PROSER2: variants seen among roughly 807,000 people sequenced by gnomAD.
The protein encoded by PROSER2 is proline and serine rich 2, also known as proline and serine-rich protein 2.
PROSER2 carries 18 observed loss-of-function variants against 14.6 expected under a neutral mutation model. That is an observed-to-expected ratio of 1.23 (90% CI 0.85 to 1.83). The LOEUF (loss-of-function observed/expected upper bound fraction) is 1.83. Ranked by LOEUF, PROSER2 falls within the 40% of genes most tolerant of loss-of-function variation. The pLI is 0.00. For synonymous variants in PROSER2, 367 were observed against 286.4 expected, an observed-to-expected ratio of 1.28 and a Z score of -2.84; for missense variants, 823 against 629.8, an observed-to-expected ratio of 1.31 and a Z score of -3.28.
rs1834260850 is a variant in PROSER2 at position 11,862,316 on chromosome 10, TAAA to T, written c.139-4211_139-4209del. ...ACTGATACTAAAATTTATGTGGAAA[TAAA>T]AAAGGACTAAGAAAGCTAAACAGAC... On this transcript the variant is annotated intron_variant, in intron 2 of 3. Transcript: ENST00000277570. The surrounding 1 kb of genome is among the most constrained non-coding windows in gnomAD (Gnocchi z 4.2). Among the ~76,000 whole-genome samples, 1 of 152,012 alleles carries T rather than the reference TAAA, an allele frequency of 6.6e-6. No individual in the cohort carries two copies. The highest frequency in any genetic ancestry group is 1.5e-5 in the Non-Finnish European group (1 of 68,006).
chr10:11,834,501 G>A (rs986609027), intron 1 of PROSER2, among the ~76,000 whole-genome samples: 4 of 152,082 alleles, frequency 2.6e-5, no homozygotes, highest in Middle Eastern at 3.4e-3. Context: ...TTGGGAGGCC[G>A]AGGCTGGTGG....
At chr10:11,831,868 C>G (rs1833693042) in intron 1 of PROSER2, 1 of 152,130 alleles carries the variant, frequency 6.6e-6, no homozygotes, top group African/African-American at 2.4e-5. Flanking sequence ...TGGGCGAAAT[C>G]AATTACTTCC....
intron 2 of PROSER2, among the ~76,000 whole-genome samples, chr10:11,863,587 G>A (rs1411001951): frequency 6.6e-6 from 1 of 151,514 alleles, no homozygotes; most frequent in Non-Finnish European, 1.5e-5. Context: ...CACACTCATA[G>A]CATTATAGAG....
chr10:11,831,526 A>G (rs924077998), intron 1 of PROSER2, among the ~76,000 whole-genome samples: 18 of 152,180 alleles, frequency 1.2e-4, no homozygotes, highest in African/African-American at 4.1e-4. Flanking sequence ...TCTCTTCACA[A>G]ACATTTCTTT....
intron 1 of PROSER2, among the ~76,000 whole-genome samples, chr10:11,827,031 C>T (rs1179260672): frequency 6.6e-6 from 1 of 151,940 alleles, no homozygotes; most frequent in African/African-American, 2.4e-5. Flanking sequence ...ACCACAGGCA[C>T]GTGCCACCAC....
At chr10:11,849,900 T>C (rs183152966) in intron 1 of PROSER2, 40 of 152,394 alleles carry the variant, frequency 2.6e-4, no homozygotes, top group African/African-American at 9.4e-4. Context: ...GTGGGTTCAC[T>C]ATAAAAGCGA....
rs1316241831 is a variant in PROSER2 at position 11,842,860 on chromosome 10, TGTATTTTTCAGCCTGTCTTGGTTTCA to T, written c.-81-9135_-81-9110del. Reference sequence around the variant, plus strand: ...ATGTACATATGTGTGCGTGAATGTGTGTATTTTTCAGCCTGTCTTGGTTTCAGATGAAACAGAACTCCTCATTTTCT... The same window carrying T: ...ATGTACATATGTGTGCGTGAATGTGTGATGAAACAGAACTCCTCATTTTCT... On this transcript the variant is annotated intron_variant, in intron 1 of 3. Coordinates refer to ENST00000277570, the MANE Select transcript of PROSER2 (RefSeq NM_153256.4). 1.5e-4 allele frequency among the ~76,000 whole-genome samples: 22 copies of T among 151,618 alleles called. 1 individual carries two copies. Among genetic ancestry groups the T allele is most frequent in the Non-Finnish European group, 3.2e-4 (22 of 67,922 alleles).
At chr10:11,831,972 A>G (rs1467435370) in intron 1 of PROSER2, 1 of 152,176 alleles carries the variant, frequency 6.6e-6, no homozygotes, top group African/African-American at 2.4e-5. Flanking sequence ...TCGTTTTTGT[A>G]TATTGTTCAG....
rs200913870 is a variant in PROSER2, at chr10:11,847,154, AATAT to A, written c.-81-4816_-81-4813del. 1.6e-4 allele frequency among the ~76,000 whole-genome samples: 14 copies of A among 88,248 alleles called. No individual in the cohort carries two copies. In the East Asian group the frequency reaches 2.2e-3, roughly 14 times the overall value. 57.9% of individuals were successfully genotyped at this position (88,248 alleles called of 152,430 possible). On this transcript the variant is annotated intron_variant, in intron 1 of 3. Coordinates refer to ENST00000277570, the MANE Select transcript of PROSER2 (RefSeq NM_153256.4). ...AAGAAAAAAAAGAAAAACATAAATA[AATAT>A]ATATATATATATATATATATATATA...
At position 11,858,047 on chromosome 10, in the gene PROSER2, G is replaced by A. The variant is rs565976892; in HGVS notation, c.138+5832G>A. Among the ~76,000 whole-genome samples, 4 of 152,238 alleles carry A rather than the reference G, an allele frequency of 2.6e-5. No individual in the cohort carries two copies. In the South Asian group the frequency reaches 8.3e-4, roughly 32 times the overall value. On this transcript the variant is annotated intron_variant, in intron 2 of 3. Transcript: ENST00000277570. ...CCTCCTGGGTTCCAGCAATTCTCCT[G>A]CTTTAGCCTCCCAAGTAGCTGGGAT...
intron 2 of PROSER2, among the ~76,000 whole-genome samples, chr10:11,860,753 C>T (rs1004838571): frequency 5.9e-5 from 9 of 152,136 alleles, no homozygotes; most frequent in South Asian, 2.1e-4. Context: ...GAGCAAGGGT[C>T]GGTTGATGCT....
At chr10:11,835,842 C>T (rs1833753148) in intron 1 of PROSER2, among the ~76,000 whole-genome samples, 1 of 152,136 alleles carries the variant, frequency 6.6e-6, no homozygotes, top group Non-Finnish European at 1.5e-5. Context: ...TTTGTGTTTA[C>T]TGATCTTTAT....
rs1397066074 is a variant in PROSER2, at chr10:11,836,984, C to T, written c.-82+13514C>T. 1.3e-5 allele frequency among the ~76,000 whole-genome samples: 2 copies of T among 152,186 alleles called. No homozygotes were observed. Among genetic ancestry groups the T allele is most frequent in the South Asian group, 2.1e-4 (1 of 4,826 alleles). ...CGTCGTTCTGATCCATTGCCTCCTG[C>T]ATGCGAATCCTCCTTTGCCCGGAGT... On this transcript the variant is annotated intron_variant, in intron 1 of 3. Coordinates refer to ENST00000277570, the MANE Select transcript of PROSER2 (RefSeq NM_153256.4). The surrounding 1 kb of genome is among the most constrained non-coding windows in gnomAD (Gnocchi z 4.6).
chr10:11,825,627 C>T (rs939030699), intron 1 of PROSER2, among the ~76,000 whole-genome samples: 1 of 152,214 alleles, frequency 6.6e-6, no homozygotes, highest in Non-Finnish European at 1.5e-5. Context: ...GAAGGTGCCG[C>T]TTTCCATAAT....
chr10:11,849,047 C>T lies in PROSER2; in HGVS notation c.-81-2950C>T, dbSNP rs1465895753. On this transcript the variant is annotated intron_variant, in intron 1 of 3. Transcript: ENST00000277570. ...ACTAAAAATACAAAAATTAGCTGGG[C>T]GTGGTGGCGCATGCCTGTAGTCCCA... is the stretch of plus-strand genomic sequence containing the variant. Among the ~76,000 whole-genome samples the T allele has an allele frequency of 3.9e-5, 6 of 152,034 alleles. No homozygotes were observed. In the East Asian group the frequency reaches 9.6e-4, roughly 24 times the overall value.
At position 11,830,891 on chromosome 10, in the gene PROSER2, G is replaced by A. The variant is rs930408476; in HGVS notation, c.-82+7421G>A. 5.9e-5 allele frequency among the ~76,000 whole-genome samples: 9 copies of A among 152,236 alleles called. No homozygotes were observed. The highest frequency in any genetic ancestry group is 1.2e-4 in the Non-Finnish European group (8 of 68,006). ...GTTCCCCAGAGGTATAGGAAGAGCG[G>A]GAGGAGAAGCAGCCTCTAGCTCCTG... is the stretch of plus-strand genomic sequence containing the variant. On this transcript the variant is annotated intron_variant, in intron 1 of 3. Transcript: ENST00000277570. This position sits in a 1 kb window ranked among gnomAD's most constrained non-coding sequence, Gnocchi z 4.5.
At chr10:11,867,402 C>T (rs72775910) in intron 3 of PROSER2, among the ~76,000 whole-genome samples, 15,029 of 151,846 alleles carry the variant, frequency 0.099, 983 homozygotes, top group Non-Finnish European at 0.14. Context: ...ACAGGCTGGG[C>T]GCCATGGATC....
chr10:11,841,989 G>A (rs1010521892), intron 1 of PROSER2, among the ~76,000 whole-genome samples: 7 of 152,140 alleles, frequency 4.6e-5, no homozygotes, highest in East Asian at 1.9e-4. Flanking sequence ...TTGGGAGGCC[G>A]AGGCAGGCGG....
intron 1 of PROSER2, among the ~76,000 whole-genome samples, chr10:11,827,698 A>G (rs1456778464): frequency 2.0e-5 from 2 of 99,978 alleles, no homozygotes; most frequent in East Asian, 3.8e-4. Flanking sequence ...TTTTTTTTTG[A>G]GACATGGTCT....
Sources: gnomAD v4.1 joint callset for allele counts (sites outside exome capture counted in the v4.1 genomes callset) on GRCh38, gnomAD v4.1.1 for gene constraint, Gnocchi (gnomAD v3.1) non-coding constraint, MANE v1.5 for transcripts, NCBI Gene and HGNC (gene_info 2026-07-23, HGNC 2026-07-21) for gene names.